PARPBP: variants seen among roughly 807,000 people sequenced by gnomAD.
PARPBP encodes the protein PCNA-interacting partner.
A neutral mutation model predicts 50.0 loss-of-function variants in PARPBP; 52 were observed. The observed-to-expected ratio is 1.04, with a 90% CI of 0.83 to 1.31. The LOEUF (loss-of-function observed/expected upper bound fraction) is 1.31, where lower values mean the gene tolerates loss of function less well. Among genes scored for constraint, PARPBP ranks in the 50% most tolerant of loss-of-function variants. PARPBP has a pLI of 0.00. For synonymous variants in PARPBP, 244 were observed against 232.1 expected, an observed-to-expected ratio of 1.05 and a Z score of -0.47; for missense variants, 697 against 672.0, an observed-to-expected ratio of 1.04 and a Z score of -0.41.
chr12:102,193,432 G>C (rs944373888), intron 9 of PARPBP, among the ~76,000 whole-genome samples: 1 of 151,872 alleles, frequency 6.6e-6, no homozygotes, highest in African/African-American at 2.4e-5. Flanking sequence ...AACTCTAGGT[G>C]CCATCACTAT....
chr12:102,195,879 A>G (rs1469817506), intron 10 of PARPBP, 72 bp from the exon 11 acceptor site: 7 of 971,732 alleles, frequency 7.2e-6, no homozygotes, highest in Non-Finnish European at 1.1e-5. Context: ...TTTAAAGTTT[A>G]TTGTAAAGTT....
chr12:102,180,247 A>G (rs1889696411), intron 8 of PARPBP, among the ~76,000 whole-genome samples: 1 of 151,986 alleles, frequency 6.6e-6, no homozygotes, highest in South Asian at 2.1e-4. Context: ...ATGAACTTTT[A>G]TTTTTTCTCT....
At chr12:102,183,380 C>T (rs1461689924) in intron 9 of PARPBP, among the ~76,000 whole-genome samples, 2 of 151,800 alleles carry the variant, frequency 1.3e-5, no homozygotes, top group Admixed American at 6.6e-5. Flanking sequence ...ATTTGTATGC[C>T]CTTTATTTTT....
intron 2 of PARPBP, among the ~76,000 whole-genome samples, chr12:102,132,886 A>C (rs1883080171): frequency 6.6e-6 from 1 of 151,992 alleles, no homozygotes; most frequent in South Asian, 2.1e-4. Context: ...GGTTAAATTT[A>C]TTTGTAAAAA....
At chr12:102,160,828 A>G (rs1440245195) in intron 4 of PARPBP, among the ~76,000 whole-genome samples, 1 of 152,054 alleles carries the variant, frequency 6.6e-6, no homozygotes, top group East Asian at 1.9e-4. Context: ...CATGCCTGTA[A>G]TCTCAGCTAC....
At chr12:102,136,184 A>G (rs886633442) in intron 2 of PARPBP, among the ~76,000 whole-genome samples, 2 of 152,222 alleles carry the variant, frequency 1.3e-5, no homozygotes, top group Non-Finnish European at 2.9e-5. Flanking sequence ...TTTTATTTTA[A>G]TTTATTCTTC....
intron 1 of PARPBP, among the ~76,000 whole-genome samples, chr12:102,121,115 G>A (rs960036554): frequency 1.3e-5 from 2 of 152,168 alleles, no homozygotes; most frequent in Non-Finnish European, 2.9e-5. Context: ...GTATTTCTGT[G>A]TGATGATGCC....
At chr12:102,184,722 G>T (rs1890154427) in intron 9 of PARPBP, among the ~76,000 whole-genome samples, 1 of 152,096 alleles carries the variant, frequency 6.6e-6, no homozygotes, top group Non-Finnish European at 1.5e-5. Context: ...ATGTTTTTGC[G>T]ATACTCTTTT....
intron 2 of PARPBP, among the ~76,000 whole-genome samples, chr12:102,131,249 C>G (rs543433820): frequency 6.6e-6 from 1 of 152,004 alleles, no homozygotes; most frequent in South Asian, 2.1e-4. Flanking sequence ...CACTTGAACC[C>G]GAGAGGCAGA....
intron 8 of PARPBP, among the ~76,000 whole-genome samples, chr12:102,181,203 A>G (rs1236702496): frequency 2.0e-5 from 3 of 152,318 alleles, no homozygotes; most frequent in South Asian, 2.1e-4. Context: ...TCAACTTTCT[A>G]TTCTTCACAA....
chr12:102,156,010 G>A lies in PARPBP; in HGVS notation c.495+2034G>A, dbSNP rs145771361. ...ATAGAGCTATAACACTCACTGCGTG[G>A]CCCCAGATTCCATTCCTTGGAATCT... On this transcript the variant is annotated intron_variant, in intron 4 of 10. Transcript: ENST00000327680. 1.9e-3 allele frequency among the ~76,000 whole-genome samples: 286 copies of A among 152,050 alleles called. 1 individual carries two copies. The highest frequency in any genetic ancestry group is 6.2e-3 in the African/African-American group (259 of 41,468).
At chr12:102,150,773 G>A (rs1380067413) in intron 3 of PARPBP, among the ~76,000 whole-genome samples, 1 of 152,204 alleles carries the variant, frequency 6.6e-6, no homozygotes, top group African/African-American at 2.4e-5. Context: ...TAGCCTCAGA[G>A]ATCTGTGGAC....
chr12:102,141,246 T>G (rs1884544343), intron 2 of PARPBP, among the ~76,000 whole-genome samples: 1 of 152,198 alleles, frequency 6.6e-6, no homozygotes, highest in Non-Finnish European at 1.5e-5. Context: ...AATGGCCTTC[T>G]TTGTCTGTTT....
At chr12:102,133,993 A>G (rs1041917408) in intron 2 of PARPBP, among the ~76,000 whole-genome samples, 3 of 152,062 alleles carry the variant, frequency 2.0e-5, no homozygotes, top group African/African-American at 7.2e-5. Context: ...TATAGCAATA[A>G]ACACCTACAT....
At position 102,160,535 on chromosome 12, in the gene PARPBP, A is replaced by G. The variant is rs554173124; in HGVS notation, c.496-3903A>G. On this transcript the variant is annotated intron_variant, in intron 4 of 10. Transcript: ENST00000327680. ...GTTATTCTTCTCAGATGTCAAAGGA[A>G]TACAAAGAATTGTGTCTTAGACTAT... is the stretch of plus-strand genomic sequence containing the variant. Among the ~76,000 whole-genome samples the G allele has an allele frequency of 3.3e-5, 5 of 152,380 alleles. No individual in the cohort carries two copies. The South Asian group carries it at 8.3e-4, about 25-fold the overall frequency.
chr12:102,176,837 G>T (rs1409716669), intron 7 of PARPBP, among the ~76,000 whole-genome samples: 1 of 152,174 alleles, frequency 6.6e-6, no homozygotes, highest in Non-Finnish European at 1.5e-5. Context: ...AGGTGGGGAA[G>T]ATTCAGGGTT....
chr12:102,154,651 C>A (rs1396258630), intron 4 of PARPBP, among the ~76,000 whole-genome samples: 33 of 152,144 alleles, frequency 2.2e-4, no homozygotes, highest in Admixed American at 2.2e-3. Context: ...ATGTGGTTTA[C>A]TTTCCAGCCT....
intron 6 of PARPBP, among the ~76,000 whole-genome samples, chr12:102,166,905 T>A (rs1311072716): frequency 6.6e-6 from 1 of 152,198 alleles, no homozygotes; most frequent in East Asian, 1.9e-4. Flanking sequence ...TGACATCTTC[T>A]GAACTTCCAG....
chr12:102,185,027 A>C (rs944271341), intron 9 of PARPBP, among the ~76,000 whole-genome samples: 1 of 152,218 alleles, frequency 6.6e-6, no homozygotes, highest in African/African-American at 2.4e-5. Flanking sequence ...TGCTTATGAA[A>C]TATCCATGTC....
Sources: gnomAD v4.1 joint callset for allele counts (sites outside exome capture counted in the v4.1 genomes callset) on GRCh38, gnomAD v4.1.1 for gene constraint, MANE v1.5 for transcripts, NCBI Gene and HGNC (gene_info 2026-07-23, HGNC 2026-07-21) for gene names.